The following RNGTT variants were observed in gnomAD, a reference collection of about 807,000 sequenced individuals.
RNGTT encodes the protein RNA guanylyltransferase and 5'-phosphatase, also known as mRNA-capping enzyme.
In RNGTT, 33 loss-of-function variants were observed where a neutral mutation model predicts 79.3. That is an observed-to-expected ratio of 0.42 (90% CI 0.32 to 0.56). RNGTT has a LOEUF of 0.56. Ranked by LOEUF, RNGTT falls within the 20% of genes least tolerant of loss-of-function variation. RNGTT has a pLI of 0.17. For missense variants in RNGTT, 497 were observed against 739.1 expected (o/e 0.67, Z 3.80); for synonymous variants, 222 against 235.9 (o/e 0.94, Z 0.54).
At chr6:88,735,130 C>A (rs1777242544) in intron 13 of RNGTT, among the ~76,000 whole-genome samples, 1 of 152,018 alleles carries the variant, frequency 6.6e-6, no homozygotes, top group East Asian at 1.9e-4. Context: ...TCCAAGAAGA[C>A]ATAACAATCC....
At chr6:88,720,926 T>G (rs1452290927) in intron 13 of RNGTT, among the ~76,000 whole-genome samples, 1 of 152,054 alleles carries the variant, frequency 6.6e-6, no homozygotes, top group Non-Finnish European at 1.5e-5. Context: ...TCAAACCATG[T>G]TTTTTATGTT....
intron 14 of RNGTT, among the ~76,000 whole-genome samples, chr6:88,677,167 G>A (rs1010213854): frequency 5.9e-5 from 9 of 151,460 alleles, no homozygotes; most frequent in Admixed American, 1.3e-4. Flanking sequence ...CTGAGTGAAC[G>A]AAGGCAAAAA....
intron 2 of RNGTT, among the ~76,000 whole-genome samples, chr6:88,936,671 T>C (rs1156576274): frequency 6.6e-6 from 1 of 152,256 alleles, no homozygotes; most frequent in Non-Finnish European, 1.5e-5. Context: ...ATGTAATGTA[T>C]CATATTTATT....
intron 13 of RNGTT, among the ~76,000 whole-genome samples, chr6:88,716,318 C>T (rs1261645412): frequency 6.6e-6 from 1 of 151,878 alleles, no homozygotes; most frequent in African/African-American, 2.4e-5. Context: ...CAGGAAACAA[C>T]AGGTGCTGGA....
At chr6:88,826,786 A>G (rs1452144351) in intron 11 of RNGTT, among the ~76,000 whole-genome samples, 3 of 125,542 alleles carry the variant, frequency 2.4e-5, no homozygotes, top group African/African-American at 9.7e-5. Context: ...CCTGTCTCAA[A>G]AGAAAAAAAA....
intron 8 of RNGTT, among the ~76,000 whole-genome samples, chr6:88,862,432 A>G (rs1782044053): frequency 6.6e-6 from 1 of 152,206 alleles, no homozygotes; most frequent in Admixed American, 6.5e-5. Context: ...AGGGTGGCAC[A>G]TCCAGGGTGG....
rs745946105 is a variant in RNGTT, at chr6:88,890,533, C to T, written c.858G>A (p.Leu286=). Residue 286 remains leucine (L), a synonymous_variant, in exon 8 of 16, where the codon CTG becomes CTA. Transcript: ENST00000369485. ...CTTTCCAGCTTACTTTGTATGGCTT[C>T]AGGTCTAAAAGTTTAATATTTTGCT... ...MDKQNIKLLD[L]KPYKVSWKAD... is the part of the protein sequence containing the mutation. The T allele has an allele frequency of 6.2e-7, 1 of 1,613,634 alleles. No homozygotes were observed. Among genetic ancestry groups the T allele is most frequent in the South Asian group, 1.1e-5 (1 of 91,018 alleles).
chr6:88,959,865 CACTT>C (rs2127967794), intron 1 of RNGTT, among the ~76,000 whole-genome samples: 1 of 152,338 alleles, frequency 6.6e-6, no homozygotes, highest in African/African-American at 2.4e-5. Flanking sequence ...CTCTTAACCT[CACTT>C]ACATCTTCCA....
rs547309797 is a variant in RNGTT at position 88,962,627 on chromosome 6, C to T, written c.64+719G>A. On this transcript the variant is annotated intron_variant, in intron 1 of 15. Transcript: ENST00000369485. ...GTCTCTACTAAAAACAAAAATTAGC[C>T]GGGTGTGGTGGCACGCGCCTGTAAT... Among the ~76,000 whole-genome samples, 292 of 152,206 alleles carry T rather than the reference C, an allele frequency of 1.9e-3. 1 individual carries two copies. Among genetic ancestry groups the T allele is most frequent in the African/African-American group, 6.1e-3 (255 of 41,528 alleles).
Position 88,710,689 on chromosome 6 carries a change from C to T in RNGTT, c.1440-32270G>A, listed in dbSNP as rs150349888. Among the ~76,000 whole-genome samples the T allele has an allele frequency of 9.3e-3, 1,420 of 152,118 alleles. 22 individuals carry two copies. The highest frequency in any genetic ancestry group is 0.012 in the Non-Finnish European group (791 of 67,972). On this transcript the variant is annotated intron_variant, in intron 13 of 15. Coordinates refer to ENST00000369485, the MANE Select transcript of RNGTT (RefSeq NM_003800.5). Reference sequence around the variant, plus strand: ...ATAAGACCACAGTACTTTGTACTATCCTATTGTACAAATGTAAGGAGCATA... The same window carrying T: ...ATAAGACCACAGTACTTTGTACTATTCTATTGTACAAATGTAAGGAGCATA...
intron 8 of RNGTT, among the ~76,000 whole-genome samples, chr6:88,886,734 C>T (rs907134291): frequency 6.6e-6 from 1 of 152,186 alleles, no homozygotes; most frequent in African/African-American, 2.4e-5. Context: ...AACAAACTTT[C>T]ATTTCATCTG....
intron 8 of RNGTT, among the ~76,000 whole-genome samples, chr6:88,879,684 A>G (rs936915599): frequency 4.6e-5 from 7 of 152,228 alleles, no homozygotes; most frequent in African/African-American, 1.7e-4. Context: ...CTTACAATTA[A>G]TGGGAAGAAA....
At position 88,761,018 on chromosome 6, in the gene RNGTT, T is replaced by TACACACACACACAC. The variant is rs59719740; in HGVS notation, c.1439+8742_1439+8755dup. The stretch of plus-strand genomic sequence containing the variant: ...TTTTAATGAATTGAAGCAAAAGAAA[T>TACACACACACACAC]ACACACACACACACACACACACACA... On this transcript the variant is annotated intron_variant, in intron 13 of 15. Transcript: ENST00000369485. Among the ~76,000 whole-genome samples, 67 of 131,238 alleles carry TACACACACACACAC rather than the reference T, an allele frequency of 5.1e-4. 2 individuals carry two copies. Among genetic ancestry groups the TACACACACACACAC allele is most frequent in the Non-Finnish European group, 3.3e-4 (20 of 61,224 alleles). The allele number at this position is 131,238 out of a possible 152,430, so 86.1% of individuals were successfully genotyped here. A position where few individuals can be genotyped will look rare whatever the true frequency, so the allele number is the denominator to read the frequency against.
At chr6:88,863,291 A>G (rs1026297446) in intron 8 of RNGTT, among the ~76,000 whole-genome samples, 1 of 152,218 alleles carries the variant, frequency 6.6e-6, no homozygotes, top group African/African-American at 2.4e-5. Flanking sequence ...TGTCTTCTAC[A>G]TAAGCATAGC....
chr6:88,651,634 T>C (rs1773801953), intron 14 of RNGTT, among the ~76,000 whole-genome samples: 1 of 152,034 alleles, frequency 6.6e-6, no homozygotes, highest in Non-Finnish European at 1.5e-5. Flanking sequence ...TTTCCAAAAA[T>C]ATATCAATAT....
At chr6:88,771,585 C>A (rs1433114865) in intron 12 of RNGTT, among the ~76,000 whole-genome samples, 1 of 151,564 alleles carries the variant, frequency 6.6e-6, no homozygotes, top group Non-Finnish European at 1.5e-5. Context: ...GAAAAATAAG[C>A]CTGCTGAGAT....
At chr6:88,774,147 A>G (rs1271529946) in intron 12 of RNGTT, among the ~76,000 whole-genome samples, 1 of 152,298 alleles carries the variant, frequency 6.6e-6, no homozygotes, top group South Asian at 2.1e-4. Context: ...CCCAAATTTA[A>G]AAGTCAAAAG....
At chr6:88,934,296 A>C (rs1784596852) in intron 2 of RNGTT, among the ~76,000 whole-genome samples, 1 of 152,128 alleles carries the variant, frequency 6.6e-6, no homozygotes, top group Non-Finnish European at 1.5e-5. Context: ...TCAGCTTCCC[A>C]AAGTGCTAGG....
chr6:88,698,530 G>T (rs923236228), intron 13 of RNGTT, among the ~76,000 whole-genome samples: 1 of 151,062 alleles, frequency 6.6e-6, no homozygotes, highest in East Asian at 1.9e-4. Flanking sequence ...GCTATCATTT[G>T]TAAAAGGCCT....
Sources: allele counts gnomAD v4.1 joint callset (sites outside exome capture counted in the v4.1 genomes callset), GRCh38; gene constraint gnomAD v4.1.1; transcripts MANE v1.5; gene names NCBI Gene and HGNC (gene_info 2026-07-23, HGNC 2026-07-21).